The following TBCD variants were observed in gnomAD, a reference collection of about 807,000 sequenced individuals.
The protein encoded by TBCD is tubulin-specific chaperone D.
TBCD carries 105 observed loss-of-function variants against 169.3 expected under a neutral mutation model. The observed-to-expected ratio is 0.62, with a 90% confidence interval of 0.53 to 0.73. TBCD has a LOEUF of 0.73. Among genes scored for constraint, TBCD ranks in the 30% least tolerant of loss-of-function variants. TBCD has a pLI of 0.00. For missense variants in TBCD, 1,444 were observed against 1,600.1 expected, an observed-to-expected ratio of 0.90 and a Z score of 1.66; for synonymous variants, 700 against 643.9, an observed-to-expected ratio of 1.09 and a Z score of -1.32.
At chr17:82,792,147 A>C (rs2049777831) in intron 7 of TBCD, among the ~76,000 whole-genome samples, 1 of 152,142 alleles carries the variant, frequency 6.6e-6, no homozygotes, top group Non-Finnish European at 1.5e-5. Flanking sequence ...ATCTCTACTA[A>C]AAATACAAAA....
At chr17:82,773,514 T>A (rs2048404634) in intron 6 of TBCD, among the ~76,000 whole-genome samples, 1 of 152,234 alleles carries the variant, frequency 6.6e-6, no homozygotes, top group African/African-American at 2.4e-5. Flanking sequence ...AACCTTTGAA[T>A]GCTTTCATCC....
chr17:82,837,350 G>A (rs2054078125), intron 13 of TBCD, among the ~76,000 whole-genome samples: 1 of 152,212 alleles, frequency 6.6e-6, no homozygotes, highest in Admixed American at 6.5e-5. Flanking sequence ...TCTGGCAGCT[G>A]CTGGTGTTAA....
At position 82,889,635 on chromosome 17, in the gene TBCD, G is replaced by A. The variant is rs753233285; in HGVS notation, c.1534-33G>A. The A allele has an allele frequency of 6.2e-6, 10 of 1,613,792 alleles. No homozygotes were observed. The highest frequency in any genetic ancestry group is 7.6e-6 in the Non-Finnish European group (9 of 1,179,834). ...TCTGGTGTTGGCGGAAGCTGACCTC[G>A]CTCACCTGCTGTGTTTGTTCTTTGC... is the stretch of plus-strand genomic sequence containing the variant. On this transcript the variant is annotated intron_variant, in intron 15 of 38. Coordinates refer to ENST00000355528, the MANE Select transcript of TBCD (RefSeq NM_005993.5). This position sits in a 1 kb window ranked among gnomAD's most constrained non-coding sequence, Gnocchi z 5.3.
At chr17:82,869,783 G>A (rs1249455202) in intron 13 of TBCD, among the ~76,000 whole-genome samples, 2 of 152,128 alleles carry the variant, frequency 1.3e-5, no homozygotes, top group Admixed American at 1.3e-4. Flanking sequence ...GCGTGTCCAC[G>A]ACAGTACAAT....
At position 82,884,071 on chromosome 17, in the gene TBCD, T is replaced by C; in HGVS notation, c.1476-74T>C. 7.0e-7 allele frequency: 1 copy of C among 1,433,486 alleles called. No individual in the cohort carries two copies. Among genetic ancestry groups the C allele is most frequent in the Non-Finnish European group, 9.6e-7 (1 of 1,041,512 alleles). The allele number at this position is 1,433,486 out of a possible 1,614,324, so 88.8% of individuals were successfully genotyped here. A position where few individuals can be genotyped will look rare whatever the true frequency, so the allele number is the denominator to read the frequency against. On this transcript the variant is annotated intron_variant, in intron 14 of 38. Coordinates refer to ENST00000355528, the MANE Select transcript of TBCD (RefSeq NM_005993.5). The surrounding 1 kb of genome is among the most constrained non-coding windows in gnomAD (Gnocchi z 4.2). Reference sequence around the variant, plus strand: ...TGGGCCTGAGTCGTGAGAGAAAGGCTTTCTCATCGATACTGTGTGGTCTGT... The same window carrying C: ...TGGGCCTGAGTCGTGAGAGAAAGGCCTTCTCATCGATACTGTGTGGTCTGT...
rs112335637 is a variant in TBCD, at chr17:82,791,227, G to A, written c.772-6530G>A. Among the ~76,000 whole-genome samples the A allele has an allele frequency of 7.9e-4, 120 of 152,020 alleles. 2 individuals carry two copies. In the Middle Eastern group the frequency reaches 0.01, roughly 13 times the overall value. On this transcript the variant is annotated intron_variant, in intron 7 of 38. Transcript: ENST00000355528. ...CTGGCTCAGCCTCCTGAGTAGCTGG[G>A]ACTACAGGCACCCTCCACCACGCCT...
chr17:82,882,937 G>A (rs1376573733), intron 14 of TBCD, among the ~76,000 whole-genome samples: 4 of 152,170 alleles, frequency 2.6e-5, no homozygotes, highest in African/African-American at 4.8e-5. Flanking sequence ...AGCGGGTGAC[G>A]GTGCCTGCGC....
intron 13 of TBCD, among the ~76,000 whole-genome samples, chr17:82,849,618 T>G (rs2055480911): frequency 6.6e-6 from 1 of 152,210 alleles, no homozygotes; most frequent in Non-Finnish European, 1.5e-5. Flanking sequence ...CTAGGCATTG[T>G]TCCAAGCACA....
rs557018153 is a variant in TBCD at position 82,778,520 on chromosome 17, G to A, written c.639-3069G>A. On this transcript the variant is annotated intron_variant, in intron 6 of 38. Coordinates refer to ENST00000355528, the MANE Select transcript of TBCD (RefSeq NM_005993.5). ...GTTGCCCAGGCGCGAGTGCAGTGGCGTGATCACAGTTTACTGCAACCTCCA... is the reference window on the plus strand; with the variant it reads ...GTTGCCCAGGCGCGAGTGCAGTGGCATGATCACAGTTTACTGCAACCTCCA... Among the ~76,000 whole-genome samples the A allele has an allele frequency of 2.0e-5, 3 of 152,226 alleles. No homozygotes were observed. The South Asian group carries it at 6.2e-4, about 32-fold the overall frequency.
chr17:82,815,402 C>T lies in TBCD; in HGVS notation c.1318+468C>T, dbSNP rs1338541240. ...TACCCCTGGCAGCATCCTGGGTCAC[C>T]TGGAGTGACGTGGTGCTCCCTGGAG... On this transcript the variant is annotated intron_variant, in intron 13 of 38. Coordinates refer to ENST00000355528, the MANE Select transcript of TBCD (RefSeq NM_005993.5). Among the ~76,000 whole-genome samples the T allele has an allele frequency of 9.2e-5, 14 of 152,184 alleles. 1 individual carries two copies. The highest frequency in any genetic ancestry group is 4.4e-5 in the Non-Finnish European group (3 of 68,030).
At chr17:82,824,935 G>A (rs1024444096) in intron 13 of TBCD, among the ~76,000 whole-genome samples, 5 of 150,698 alleles carry the variant, frequency 3.3e-5, no homozygotes, top group Non-Finnish European at 7.4e-5. Context: ...TAAAAAATAA[G>A]TCTCTTTTTT....
intron 20 of TBCD, 35 bp from the exon 21 acceptor site, chr17:82,907,726 A>G: frequency 6.2e-7 from 1 of 1,611,866 alleles, no homozygotes. Context: ...GGTCTTGGGG[A>G]GTGTGACTTC....
intron 23 of TBCD, chr17:82,913,285 A>G (rs2060777552): frequency 6.6e-6 from 1 of 152,324 alleles, no homozygotes; most frequent in Non-Finnish European, 1.5e-5. Context: ...AGGCAGTCCT[A>G]CGACCTTCAC....
At chr17:82,824,437 C>T (rs926661132) in intron 13 of TBCD, among the ~76,000 whole-genome samples, 32 of 151,996 alleles carry the variant, frequency 2.1e-4, no homozygotes, top group African/African-American at 7.5e-4. Context: ...CCCACCTTGG[C>T]CTCTCAAAGT....
intron 8 of TBCD, among the ~76,000 whole-genome samples, chr17:82,799,759 G>A (rs1019913531): frequency 1.3e-5 from 2 of 152,178 alleles, no homozygotes; most frequent in African/African-American, 4.8e-5. Flanking sequence ...CGGGAGGAGC[G>A]TCCTTGGTGA....
At chr17:82,807,185 A>G (rs1038579297) in intron 10 of TBCD, among the ~76,000 whole-genome samples, 1 of 152,120 alleles carries the variant, frequency 6.6e-6, no homozygotes, top group South Asian at 2.1e-4. Context: ...GTGGTTCTTA[A>G]AAGTTCAGCC....
intron 14 of TBCD, among the ~76,000 whole-genome samples, chr17:82,876,267 G>C: frequency 6.6e-6 from 1 of 152,196 alleles, no homozygotes; most frequent in East Asian, 1.9e-4. Context: ...TCTGTGTTGG[G>C]AAATCCTGGT....
At chr17:82,763,087 G>T (rs1027993452) in intron 2 of TBCD, among the ~76,000 whole-genome samples, 1 of 152,174 alleles carries the variant, frequency 6.6e-6, no homozygotes, top group African/African-American at 2.4e-5. Context: ...GGGTGATAGT[G>T]CTGTTTAGGT....
At chr17:82,938,321 G>A (rs2062810389) in intron 36 of TBCD, among the ~76,000 whole-genome samples, 185 bp downstream of exon 36, 1 of 152,342 alleles carries the variant, frequency 6.6e-6, no homozygotes, top group South Asian at 2.1e-4. Flanking sequence ...CACTGTTCTG[G>A]CTTTAAGGAC....
Sources: gnomAD v4.1 joint callset for allele counts (sites outside exome capture counted in the v4.1 genomes callset) on GRCh38, gnomAD v4.1.1 for gene constraint, Gnocchi (gnomAD v3.1) non-coding constraint, MANE v1.5 for transcripts, NCBI Gene and HGNC (gene_info 2026-07-23, HGNC 2026-07-21) for gene names.